The following AK7 variants were observed in gnomAD, a reference collection of about 807,000 sequenced individuals.
The protein encoded by AK7 is ATP-AMP transphosphorylase 7.
A neutral mutation model predicts 96.6 loss-of-function variants in AK7; 78 were observed. That is an observed-to-expected ratio of 0.81 (90% confidence interval 0.67 to 0.97). The LOEUF is 0.97. AK7 is among the 50% of genes least tolerant of loss of function. AK7 has a pLI of 0.00. For synonymous variants in AK7, 302 were observed against 317.2 expected (o/e 0.95, Z 0.51); for missense variants, 855 against 887.9 (o/e 0.96, Z 0.47).
intron 7 of AK7, among the ~76,000 whole-genome samples, chr14:96,445,802 A>C (rs1332371275): frequency 1.3e-5 from 2 of 152,222 alleles, no homozygotes; most frequent in Admixed American, 6.5e-5. Context: ...AGAATTGACA[A>C]GCCATTGTGA....
chr14:96,487,139 C>A, intron 17 of AK7, 83 bp downstream of exon 17: 1 of 1,457,850 alleles, frequency 6.9e-7, no homozygotes, highest in Non-Finnish European at 9.4e-7. Context: ...CTTTGGGAGG[C>A]CAAGGTCAGG....
intron 16 of AK7, among the ~76,000 whole-genome samples, chr14:96,484,153 G>A (rs925354543): frequency 6.6e-6 from 1 of 152,108 alleles, no homozygotes; most frequent in Admixed American, 6.6e-5. Context: ...AAGCCTGGAG[G>A]ATTGTTTGAT....
chr14:96,477,468 C>A (rs1028210659), intron 14 of AK7, among the ~76,000 whole-genome samples: 1 of 152,202 alleles, frequency 6.6e-6, no homozygotes, highest in African/African-American at 2.4e-5. Flanking sequence ...TTGTGATGCA[C>A]CCAGACACTG....
At chr14:96,446,674 C>A in intron 8 of AK7, 67 bp downstream of exon 8, 1 of 1,421,162 alleles carries the variant, frequency 7.0e-7, no homozygotes, top group Admixed American at 1.7e-5. Context: ...GGCGCGGTGG[C>A]TCATGCCTGT....
At chr14:96,454,872 T>G (rs1893806206) in intron 10 of AK7, among the ~76,000 whole-genome samples, 1 of 151,958 alleles carries the variant, frequency 6.6e-6, no homozygotes, top group Non-Finnish European at 1.5e-5. Flanking sequence ...TTAACTGTGT[T>G]AAAAATAATT....
In AK7 at chr14:96,420,877, C is replaced by A; in HGVS notation, c.554C>A (p.Pro185His). The A allele has an allele frequency of 6.2e-7, 1 of 1,613,742 alleles. No homozygotes were observed. Among genetic ancestry groups the A allele is most frequent in the South Asian group, 1.1e-5 (1 of 91,050 alleles). ...GATTATCGAAGAAGAAAGTCTCATC[C>A]TAATTTTCTGGACCACATAAATGCT... is the stretch of plus-strand genomic sequence containing the variant. ...EEDYRRRKSHPNFLDHINAEK... is the reference protein window; with the variant it reads ...EEDYRRRKSHHNFLDHINAEK... Residue 185 changes from proline to histidine, a missense_variant, in exon 5 of 18, where the codon CCT (proline) becomes CAT (histidine). Transcript: ENST00000267584.
chr14:96,457,326 G>A (rs1273505260), intron 11 of AK7, among the ~76,000 whole-genome samples: 2 of 152,178 alleles, frequency 1.3e-5, no homozygotes, highest in African/African-American at 2.4e-5. Context: ...CTCCCAAAGT[G>A]CTGGGATTAC....
At chr14:96,393,844 G>T (rs1202687948) in intron 1 of AK7, among the ~76,000 whole-genome samples, 1 of 152,062 alleles carries the variant, frequency 6.6e-6, no homozygotes, top group East Asian at 1.9e-4. Context: ...TTTAGGGTGG[G>T]CGTGGTGTAA....
At chr14:96,468,627 G>T (rs967525496) in intron 12 of AK7, among the ~76,000 whole-genome samples, 1 of 151,980 alleles carries the variant, frequency 6.6e-6, no homozygotes, top group East Asian at 1.9e-4. Context: ...ATCACTGCTT[G>T]CTGTTTGGTC....
chr14:96,424,842 C>T (rs1196510376), intron 5 of AK7, among the ~76,000 whole-genome samples: 1 of 152,006 alleles, frequency 6.6e-6, no homozygotes, highest in Admixed American at 6.6e-5. Context: ...TTTATTGGAA[C>T]CCGTGATTTC....
rs535053779 is a variant in AK7, at chr14:96,464,351, C to A, written c.1357+6139C>A. 2.7e-3 allele frequency among the ~76,000 whole-genome samples: 404 copies of A among 151,764 alleles called. 2 individuals are homozygous for A. Among genetic ancestry groups the A allele is most frequent in the Non-Finnish European group, 4.8e-3 (329 of 67,924 alleles). ...TCTCTTGAGGCAAGAAATTCCAGAC[C>A]AGCCTGGGCAACATAGCAGGACCCC... On this transcript the variant is annotated intron_variant, in intron 12 of 17. Transcript: ENST00000267584.
chr14:96,447,946 G>A (rs1022205300), intron 8 of AK7, among the ~76,000 whole-genome samples: 9 of 151,836 alleles, frequency 5.9e-5, no homozygotes, highest in Admixed American at 4.6e-4. Context: ...GCAACATGGT[G>A]AAACCCCATC....
intron 3 of AK7, among the ~76,000 whole-genome samples, chr14:96,405,702 G>A (rs1890673484): frequency 3.3e-5 from 5 of 152,138 alleles, no homozygotes; most frequent in African/African-American, 9.7e-5. Context: ...GACTTTAAGA[G>A]GGGAGGAATT....
intron 15 of AK7, 53 bp from the exon 16 acceptor site, chr14:96,482,946 G>C (rs755480041): frequency 3.8e-6 from 6 of 1,561,140 alleles, no homozygotes; most frequent in Non-Finnish European, 4.4e-6. Flanking sequence ...TTTCCCAATT[G>C]CAGGCAGGCC....
At chr14:96,425,523 C>T (rs188874597) in intron 5 of AK7, among the ~76,000 whole-genome samples, 126 of 118,812 alleles carry the variant, frequency 1.1e-3, no homozygotes, top group South Asian at 3.7e-3. Context: ...TGCTCTGTTG[C>T]GTAGGCTGGA....
chr14:96,455,401 T>C (rs1390389172), intron 10 of AK7, among the ~76,000 whole-genome samples: 5 of 151,872 alleles, frequency 3.3e-5, no homozygotes, highest in Admixed American at 3.3e-4. Context: ...GGGAGGATGG[T>C]TTGAGCCCAG....
intron 5 of AK7, among the ~76,000 whole-genome samples, chr14:96,431,470 C>T (rs1206669896): frequency 6.6e-6 from 1 of 152,172 alleles, no homozygotes; most frequent in Non-Finnish European, 1.5e-5. Context: ...TCTTTGTTCT[C>T]ATTGATTTCA....
chr14:96,422,556 C>T lies in AK7; in HGVS notation c.609+1624C>T, dbSNP rs572994414. On this transcript the variant is annotated intron_variant, in intron 5 of 17. Coordinates refer to ENST00000267584, the MANE Select transcript of AK7 (RefSeq NM_152327.5). The stretch of plus-strand genomic sequence containing the variant: ...CCCCACAAGGGTCGCATTCCATTCC[C>T]AGAGCTATGAACATCTGCTTTTCTG... 1.1e-4 allele frequency among the ~76,000 whole-genome samples: 16 copies of T among 152,290 alleles called. No individual in the cohort carries two copies. In the South Asian group the frequency reaches 3.3e-3, roughly 32 times the overall value.
intron 6 of AK7, among the ~76,000 whole-genome samples, chr14:96,440,268 C>T (rs1350783397): frequency 4.6e-5 from 7 of 152,098 alleles, no homozygotes; most frequent in Non-Finnish European, 4.4e-5. Flanking sequence ...CCACCGTGCC[C>T]GGCCTCGAAC....
Sources: allele counts gnomAD v4.1 joint callset (sites outside exome capture counted in the v4.1 genomes callset), GRCh38; gene constraint gnomAD v4.1.1; transcripts MANE v1.5; gene names NCBI Gene and HGNC (gene_info 2026-07-23, HGNC 2026-07-21).